The following ADGRG6 variants were observed in gnomAD, a reference collection of about 807,000 sequenced individuals.
ADGRG6 encodes the protein G-protein coupled receptor 126.
ADGRG6 carries 84 observed loss-of-function variants against 142.4 expected under a neutral mutation model. The ratio of observed to expected loss-of-function variants is 0.59; its 90% CI spans 0.49 to 0.71. ADGRG6 has a LOEUF of 0.71. Among genes scored for constraint, ADGRG6 ranks in the 30% least tolerant of loss-of-function variants. The pLI is 0.00. For missense variants in ADGRG6, 1,367 were observed against 1,466.6 expected, an observed-to-expected ratio of 0.93 and a Z score of 1.11; for synonymous variants, 521 against 520.5, an observed-to-expected ratio of 1.00 and a Z score of -0.01.
intron 2 of ADGRG6, 134 bp downstream of exon 2, chr6:142,309,778 G>A: frequency 1.9e-6 from 1 of 514,088 alleles, no homozygotes; most frequent in East Asian, 3.3e-5. Flanking sequence ...TCCTTATAGG[G>A]CAGTTTTTTT....
chr6:142,395,015 C>T (rs1775099873), intron 9 of ADGRG6, among the ~76,000 whole-genome samples: 1 of 152,058 alleles, frequency 6.6e-6, no homozygotes, highest in African/African-American at 2.4e-5. Context: ...TGCTTCTTTT[C>T]AGGTGATATC....
intron 2 of ADGRG6, among the ~76,000 whole-genome samples, chr6:142,309,922 T>A (rs2114514843): frequency 6.6e-6 from 1 of 151,938 alleles, no homozygotes; most frequent in Non-Finnish European, 1.5e-5. Flanking sequence ...TATTGAGTGA[T>A]GAGATAACTA....
intron 4 of ADGRG6, among the ~76,000 whole-genome samples, chr6:142,373,470 G>A (rs1049928655): frequency 1.3e-5 from 2 of 152,152 alleles, no homozygotes; most frequent in African/African-American, 2.4e-5. Flanking sequence ...GGATTCCTAA[G>A]CTTCTCTAAG....
Position 142,370,245 on chromosome 6 carries a change from G to A in ADGRG6, c.521G>A (p.Ser174Asn). ...SDAYQVSVAK[S>N]ISIPELSAFT... ...GCTTACCAGGTATCTGTTGCAAAAA[G>A]CATCTCTATTCCAGAGCTCAGTGCT... Residue 174 changes from serine to asparagine, a missense_variant, in exon 4 of 25, where the codon AGC becomes AAC. Transcript: ENST00000367609. The A allele has an allele frequency of 6.2e-7, 1 of 1,612,728 alleles. No individual in the cohort carries two copies. The highest frequency in any genetic ancestry group is 8.5e-7 in the Non-Finnish European group (1 of 1,178,844).
chr6:142,359,513 T>G (rs750571364), intron 2 of ADGRG6, among the ~76,000 whole-genome samples: 32 of 152,204 alleles, frequency 2.1e-4, no homozygotes, highest in Non-Finnish European at 4.3e-4. Flanking sequence ...CCTCCTTTAC[T>G]TGGCTCACTC....
intron 22 of ADGRG6, among the ~76,000 whole-genome samples, chr6:142,429,970 G>A (rs888966456): frequency 2.6e-5 from 4 of 152,164 alleles, no homozygotes; most frequent in African/African-American, 9.7e-5. Flanking sequence ...ACGATTGCTT[G>A]AGCCCAGAAG....
At chr6:142,412,135 G>A (rs568242675) in intron 18 of ADGRG6, among the ~76,000 whole-genome samples, 101 of 152,160 alleles carry the variant, frequency 6.6e-4, no homozygotes, top group African/African-American at 2.2e-3. Flanking sequence ...GACGCACCAC[G>A]CATCCAGCGA....
intron 2 of ADGRG6, among the ~76,000 whole-genome samples, chr6:142,322,223 G>C (rs1450548102): frequency 6.6e-6 from 1 of 151,946 alleles, no homozygotes; most frequent in Non-Finnish European, 1.5e-5. Context: ...AACATAGCGA[G>C]ACCTCGTCTC....
At chr6:142,441,554 T>TA (rs1157959146) in intron 24 of ADGRG6, among the ~76,000 whole-genome samples, 1 of 152,196 alleles carries the variant, frequency 6.6e-6, no homozygotes, top group East Asian at 1.9e-4. Flanking sequence ...TTTGCTTTGT[T>TA]AAACTGCAAA....
At chr6:142,433,853 C>A (rs1227813137) in intron 22 of ADGRG6, among the ~76,000 whole-genome samples, 5 of 152,212 alleles carry the variant, frequency 3.3e-5, no homozygotes, top group African/African-American at 1.2e-4. Flanking sequence ...GCCAGGAGTT[C>A]TAGACCAGCT....
At chr6:142,360,045 G>C (rs1780641549) in intron 2 of ADGRG6, among the ~76,000 whole-genome samples, 1 of 152,142 alleles carries the variant, frequency 6.6e-6, no homozygotes, top group African/African-American at 2.4e-5. Flanking sequence ...TAAACTGTGG[G>C]AATGAGATGA....
chr6:142,332,698 A>G (rs1398478816), intron 2 of ADGRG6, among the ~76,000 whole-genome samples: 4 of 152,290 alleles, frequency 2.6e-5, no homozygotes, highest in Non-Finnish European at 5.9e-5. Flanking sequence ...GAGAGACACA[A>G]TATAGTAGAT....
chr6:142,346,960 CACAT>C (rs1184293695), intron 2 of ADGRG6, among the ~76,000 whole-genome samples: 1 of 151,968 alleles, frequency 6.6e-6, no homozygotes, highest in Non-Finnish European at 1.5e-5. Flanking sequence ...ACAACCATGG[CACAT>C]ACATACCTAT....
At chr6:142,319,377 A>G (rs1008334140) in intron 2 of ADGRG6, among the ~76,000 whole-genome samples, 1 of 152,176 alleles carries the variant, frequency 6.6e-6, no homozygotes, top group Non-Finnish European at 1.5e-5. Flanking sequence ...TAAATCGGAC[A>G]AAAATCTCCT....
rs1255181952 is a variant in ADGRG6, at chr6:142,345,213, G to A, written c.104-22356G>A. The stretch of plus-strand genomic sequence containing the variant: ...ACAGATTCACTGATGAATTAATAAC[G>A]TTTTTCGATACAAACATGTAATTGT... On this transcript the variant is annotated intron_variant, in intron 2 of 24. Coordinates refer to ENST00000367609, the MANE Select transcript of ADGRG6 (RefSeq NM_198569.3). 4.6e-5 allele frequency among the ~76,000 whole-genome samples: 7 copies of A among 152,080 alleles called. No homozygotes were observed. In the South Asian group the frequency reaches 1.2e-3, roughly 27 times the overall value.
intron 22 of ADGRG6, among the ~76,000 whole-genome samples, chr6:142,434,475 C>A (rs1309900105): frequency 6.6e-6 from 1 of 152,018 alleles, no homozygotes; most frequent in East Asian, 1.9e-4. Flanking sequence ...CAGGTGCCAA[C>A]CACCACATCC....
At chr6:142,397,515 G>T (rs1583090385) in intron 9 of ADGRG6, 98 bp from the exon 10 acceptor site, 1 of 1,045,306 alleles carries the variant, frequency 9.6e-7, no homozygotes, top group Admixed American at 2.3e-5. Flanking sequence ...CTCAACAGGT[G>T]ATGGTCATCC....
At chr6:142,399,721 A>T (rs1224157757) in intron 10 of ADGRG6, among the ~76,000 whole-genome samples, 3 of 152,244 alleles carry the variant, frequency 2.0e-5, no homozygotes, top group Non-Finnish European at 4.4e-5. Flanking sequence ...TTCACAGTAT[A>T]CATGGGAAAG....
intron 15 of ADGRG6, among the ~76,000 whole-genome samples, chr6:142,406,036 A>T (rs944462442): frequency 6.6e-6 from 1 of 152,178 alleles, no homozygotes; most frequent in East Asian, 1.9e-4. Context: ...TTCAATTTTT[A>T]AAATAATTCA....
Sources: gnomAD v4.1 joint callset for allele counts (sites outside exome capture counted in the v4.1 genomes callset) on GRCh38, gnomAD v4.1.1 for gene constraint, MANE v1.5 for transcripts, NCBI Gene and HGNC (gene_info 2026-07-23, HGNC 2026-07-21) for gene names.